SP3: variants seen among roughly 807,000 people sequenced by gnomAD.
SP3 encodes the protein transcription factor Sp3.
In SP3, 10 loss-of-function variants were observed where a neutral mutation model predicts 70.3. That is an observed-to-expected ratio of 0.14 (90% CI 0.09 to 0.24). The LOEUF is 0.24. Ranked by LOEUF, SP3 falls within the 10% of genes least tolerant of loss-of-function variation. The probability of loss-of-function intolerance (pLI) is 1.00; values close to 1 mark genes in which losing one functional copy is unlikely to be tolerated. For missense variants in SP3, 825 were observed against 914.6 expected (o/e 0.90, Z 1.26); for synonymous variants, 402 against 333.5 (o/e 1.21, Z -2.24).
chr2:173,904,973 T>C lies in SP3; in HGVS notation c.*4968A>G, dbSNP rs1574390215. On this transcript the variant is annotated 3_prime_UTR_variant, in exon 7 of 7. Transcript: ENST00000310015. ...ATGAACCTGAAGATTCTTCGGCTGG[T>C]TTTTAGAAATGTTCAAATAGGATAG... 6.6e-6 allele frequency among the ~76,000 whole-genome samples: 1 copy of C among 152,192 alleles called. No individual in the cohort carries two copies. Among genetic ancestry groups the C allele is most frequent in the Non-Finnish European group, 1.5e-5 (1 of 68,038 alleles).
intron 4 of SP3, among the ~76,000 whole-genome samples, chr2:173,946,490 CCTCATTTCCAA>C (rs1690541879): frequency 6.6e-6 from 1 of 151,924 alleles, no homozygotes; most frequent in African/African-American, 2.4e-5. Flanking sequence ...ACTGTTATTT[CCTCATTTCCAA>C]CTCATTTCCT....
Position 173,956,983 on chromosome 2 carries a change from T to C in SP3, c.280-751A>G, listed in dbSNP as rs190451973. On this transcript the variant is annotated intron_variant, in intron 3 of 6. Coordinates refer to ENST00000310015, the MANE Select transcript of SP3 (RefSeq NM_003111.5). ...TACAATTTGAGGGAGAGAAAGATAA[T>C]CTAGGGTTTCATTATATTCTCAATG... Among the ~76,000 whole-genome samples the C allele has an allele frequency of 1.2e-4, 18 of 152,246 alleles. No homozygotes were observed. The East Asian group carries it at 3.3e-3, about 28-fold the overall frequency.
rs1469629954 is a variant in SP3 at position 173,964,990 on chromosome 2, G to C, written c.7+175C>G. The C allele has an allele frequency of 6.1e-6, 5 of 817,602 alleles. No individual in the cohort carries two copies. In the East Asian group the frequency reaches 1.6e-4, roughly 26 times the overall value. The allele number at this position is 817,602 out of a possible 1,614,324, so 50.6% of individuals were successfully genotyped here. On this transcript the variant is annotated intron_variant, in intron 1 of 6. Coordinates refer to ENST00000310015, the MANE Select transcript of SP3 (RefSeq NM_003111.5). ...CGGCGTTGCTGGGGCTTCGGGGGTG[G>C]ACGGTGGCTGGCGGGGAGGGGAGGG...
chr2:173,918,158 T>A (rs1202680241), intron 5 of SP3, among the ~76,000 whole-genome samples: 3 of 152,130 alleles, frequency 2.0e-5, no homozygotes, highest in Non-Finnish European at 1.5e-5. Flanking sequence ...TCCCATTTTT[T>A]AAAAAATTCA....
rs1689218293 is a variant in SP3 at position 173,903,061 on chromosome 2, T to G, written c.*6880A>C. ...AAGGCACAATACGAATACTAGCAGT[T>G]TCGTTAATAAATGTTGGCTGACAAT... On this transcript the variant is annotated 3_prime_UTR_variant, in exon 7 of 7. Transcript: ENST00000310015. Among the ~76,000 whole-genome samples, 1 of 152,234 alleles carries G rather than the reference T, an allele frequency of 6.6e-6. No homozygotes were observed. Among genetic ancestry groups the G allele is most frequent in the Admixed American group, 6.5e-5 (1 of 15,280 alleles).
intron 4 of SP3, among the ~76,000 whole-genome samples, chr2:173,920,555 C>T (rs1559092685): frequency 1.3e-5 from 2 of 151,958 alleles, no homozygotes; most frequent in Non-Finnish European, 2.9e-5. Flanking sequence ...TATCTCTATA[C>T]TTCCTTTCAT....
chr2:173,955,411 A>T lies in SP3; in HGVS notation c.1101T>A (p.Asp367Glu). The part of the protein sequence containing the change: ...TTSSGQVHSS[D>E]LQGNYIQSPV... ...GCGACTGGATATAATTTCCCTGAAG[A>T]TCTGAAGAATGAACCTGCCCACTAG... The change falls in exon 4 of 7, where the codon GAT becomes GAA. Residue 367 changes from aspartate (D) to glutamate (E), a missense_variant. This residue lies in a region of SP3 where 678 missense variants were observed against 651.6 expected (regional missense o/e 1.04). Coordinates refer to ENST00000310015, the MANE Select transcript of SP3 (RefSeq NM_003111.5). The T allele has an allele frequency of 1.2e-6, 2 of 1,614,106 alleles. No homozygotes were observed. Among genetic ancestry groups the T allele is most frequent in the South Asian group, 1.1e-5 (1 of 91,074 alleles).
In SP3 at chr2:173,958,583, A is replaced by G. The variant is rs575789271; in HGVS notation, c.280-2351T>C. ...TACCTGTGAAGCACAACGATGGGGG[A>G]AAAAAAAAAAAAGCAACAGGTAATT... On this transcript the variant is annotated intron_variant, in intron 3 of 6. Transcript: ENST00000310015. Among the ~76,000 whole-genome samples, 314 of 88,354 alleles carry G rather than the reference A, an allele frequency of 3.6e-3. 1 individual carries two copies. The highest frequency in any genetic ancestry group is 4.9e-3 in the Admixed American group (41 of 8,342). The allele number at this position is 88,354 out of a possible 152,430, so 58.0% of individuals were successfully genotyped here. A position where few individuals can be genotyped will look rare whatever the true frequency, so the allele number is the denominator to read the frequency against.
In SP3 at chr2:173,906,963, A is replaced by G. The variant is rs1183813351; in HGVS notation, c.*2978T>C. ...TAGGCTTGACATGCTTTCAGCTTAT[A>G]TGTATGTGTATTTTTAAGTATCTTA... On this transcript the variant is annotated 3_prime_UTR_variant, in exon 7 of 7. Transcript: ENST00000310015. 2 of 152,206 alleles carry G rather than the reference A, an allele frequency of 1.3e-5. No individual in the cohort carries two copies. Among genetic ancestry groups the G allele is most frequent in the East Asian group, 3.8e-4 (2 of 5,206 alleles). The allele number at this position is 152,206 out of a possible 1,614,324, so 9.4% of individuals were successfully genotyped here.
At chr2:173,915,327 G>A (rs1274693073) in intron 5 of SP3, 1 of 152,098 alleles carries the variant, frequency 6.6e-6, no homozygotes, top group African/African-American at 2.4e-5. Context: ...TTCATTCAAA[G>A]TAAGATATAG....
chr2:173,964,485 CGCCACCGCCGCCGCCGCT>C lies in SP3; in HGVS notation c.58_75del (p.Ser20_Gly25del), dbSNP rs1691217637. ...AGATACTCGCCGTGGCCGCCGCCGC[CGCCACCGCCGCCGCCGCT>C]ATCCACGTCCAAGGCAGCCATTTCC... On this transcript the variant is annotated inframe_deletion, in exon 2 of 7. Transcript: ENST00000310015. The C allele has an allele frequency of 1.4e-6, 1 of 705,272 alleles. No individual in the cohort carries two copies. The highest frequency in any genetic ancestry group is 2.6e-6 in the Non-Finnish European group (1 of 381,142). The allele number at this position is 705,272 out of a possible 1,614,324, so 43.7% of individuals were successfully genotyped here.
At chr2:173,939,594 T>C (rs1690301057) in intron 4 of SP3, among the ~76,000 whole-genome samples, 1 of 151,800 alleles carries the variant, frequency 6.6e-6, no homozygotes, top group Admixed American at 6.6e-5. Context: ...TGAAACACTG[T>C]CTCTACTAAA....
intron 4 of SP3, among the ~76,000 whole-genome samples, chr2:173,949,062 G>T (rs1447252164): frequency 6.6e-6 from 1 of 152,090 alleles, no homozygotes; most frequent in East Asian, 1.9e-4. Context: ...GGCAAAAGGA[G>T]ATCTACCAAT....
chr2:173,909,889 C>A lies in SP3; in HGVS notation c.*52G>T. On this transcript the variant is annotated 3_prime_UTR_variant, in exon 7 of 7. Transcript: ENST00000310015. Reference sequence around the variant, plus strand: ...TATCTAAGAACTTAGGAACAATATTCTTCTCACTACTGTATAAAAATAACC... The same window carrying A: ...TATCTAAGAACTTAGGAACAATATTATTCTCACTACTGTATAAAAATAACC... The A allele has an allele frequency of 1.3e-6, 2 of 1,540,186 alleles. No individual in the cohort carries two copies. Among genetic ancestry groups the A allele is most frequent in the East Asian group, 2.3e-5 (1 of 44,264 alleles).
At chr2:173,923,778 C>T (rs1350745845) in intron 4 of SP3, among the ~76,000 whole-genome samples, 3 of 151,530 alleles carry the variant, frequency 2.0e-5, no homozygotes, top group Non-Finnish European at 4.4e-5. Flanking sequence ...AATCAAATTA[C>T]TTCATTTGAT....
At chr2:173,938,997 G>C (rs946771570) in intron 4 of SP3, among the ~76,000 whole-genome samples, 7 of 152,224 alleles carry the variant, frequency 4.6e-5, no homozygotes, top group Admixed American at 2.6e-4. Context: ...GGGTAAGTCA[G>C]GAATGCTCCT....
chr2:173,948,869 A>G (rs1052174632), intron 4 of SP3, among the ~76,000 whole-genome samples: 3 of 152,206 alleles, frequency 2.0e-5, no homozygotes, highest in Admixed American at 2.0e-4. Flanking sequence ...CTAAAATTTA[A>G]AGACCATAGC....
chr2:173,954,704 A>G (rs949707311), intron 4 of SP3, among the ~76,000 whole-genome samples, 169 bp downstream of exon 4: 6 of 150,806 alleles, frequency 4.0e-5, no homozygotes, highest in African/African-American at 7.5e-5. Flanking sequence ...CTTTCAAAGA[A>G]TAATTTGGAA....
In SP3 at chr2:173,956,061, T is replaced by C; in HGVS notation, c.451A>G (p.Ile151Val). 6.2e-7 allele frequency: 1 copy of C among 1,614,170 alleles called. No individual in the cohort carries two copies. The highest frequency in any genetic ancestry group is 1.7e-5 in the Admixed American group (1 of 60,022). ...LPLQNLQNQQ[I>V]FSVAPGSDSS... is the part of the protein sequence containing the mutation. ...TCTGATCCTGGTGCAACGGAAAATA[T>C]TTGTTGATTCTGCAAATTCTGAAGG... The change falls in exon 4 of 7, where the codon ATA (isoleucine) becomes GTA (valine). Residue 151 changes from isoleucine to valine, a missense_variant. Around this residue, in one of 4 missense-constraint regions of SP3, gnomAD observed 678 missense variants for 651.6 expected, o/e 1.04. Transcript: ENST00000310015.
Sources: allele counts gnomAD v4.1 joint callset (sites outside exome capture counted in the v4.1 genomes callset), GRCh38; gene constraint gnomAD v4.1.1; regional missense constraint gnomAD v4.1.1; transcripts MANE v1.5; gene names NCBI Gene and HGNC (gene_info 2026-07-23, HGNC 2026-07-21).